PCDHGB2: variants seen among roughly 807,000 people sequenced by gnomAD.
PCDHGB2 encodes the protein protocadherin gamma-B2.
PCDHGB2 carries 55 observed loss-of-function variants against 59.3 expected under a neutral mutation model. That is an observed-to-expected ratio of 0.93 (90% CI 0.75 to 1.16). The LOEUF (loss-of-function observed/expected upper bound fraction) is 1.16. Ranked by LOEUF, PCDHGB2 falls within the 50% of genes most tolerant of loss-of-function variation. PCDHGB2 has a pLI of 0.00. For missense variants in PCDHGB2, 1,228 were observed against 1,198.5 expected, an observed-to-expected ratio of 1.02 and a Z score of -0.36; for synonymous variants, 516 against 512.0, an observed-to-expected ratio of 1.01 and a Z score of -0.11.
intron 1 of PCDHGB2, among the ~76,000 whole-genome samples, chr5:141,443,832 A>G (rs2098407108): frequency 6.6e-6 from 1 of 152,224 alleles, no homozygotes; most frequent in African/African-American, 2.4e-5. Context: ...ATTAGGTAAA[A>G]TGGGTAATAT....
At chr5:141,494,069 C>T (rs1249076667) in intron 1 of PCDHGB2, among the ~76,000 whole-genome samples, 1 of 152,146 alleles carries the variant, frequency 6.6e-6, no homozygotes, top group Non-Finnish European at 1.5e-5. Context: ...GAGCTGGATC[C>T]CTCCCCGCTG....
Position 141,467,771 on chromosome 5 carries a change from A to G in PCDHGB2, c.2422-27036A>G, listed in dbSNP as rs542500016. Among the ~76,000 whole-genome samples, 11 of 151,422 alleles carry G rather than the reference A, an allele frequency of 7.3e-5. No individual in the cohort carries two copies. The South Asian group carries it at 2.3e-3, about 32-fold the overall frequency. On this transcript the variant is annotated intron_variant, in intron 1 of 3. Transcript: ENST00000522605. Reference sequence around the variant, plus strand: ...CCGCCTCACATGCTCAAGTGCCCGCACCTCAGCCTCTCAAGTAGCTGGGAC... The same window carrying G: ...CCGCCTCACATGCTCAAGTGCCCGCGCCTCAGCCTCTCAAGTAGCTGGGAC...
Position 141,428,162 on chromosome 5 carries a change from G to A in PCDHGB2, c.2421+65606G>A, listed in dbSNP as rs75153946. The A allele has an allele frequency of 9.5e-4, 1,493 of 1,569,102 alleles. 9 individuals are homozygous for A. The African/African-American group carries it at 0.016, about 16-fold the overall frequency. On this transcript the variant is annotated intron_variant, in intron 1 of 3. Coordinates refer to ENST00000522605, the MANE Select transcript of PCDHGB2 (RefSeq NM_018923.3). ...GGCTGCACACGGGAACCTGCTGGTT[G>A]CTGTGCGTGACGGAGGACAGCCGCC...
At chr5:141,420,733 A>T (rs989644819) in intron 1 of PCDHGB2, among the ~76,000 whole-genome samples, 1 of 152,250 alleles carries the variant, frequency 6.6e-6, no homozygotes, top group African/African-American at 2.4e-5. Flanking sequence ...GTCGGTTAAA[A>T]TCAATTGGAA....
chr5:141,419,145 A>T, intron 1 of PCDHGB2: 1 of 1,613,940 alleles, frequency 6.2e-7, no homozygotes, highest in Non-Finnish European at 8.5e-7. Flanking sequence ...GACAGGGGCA[A>T]GCCTCCGTTA....
intron 1 of PCDHGB2, chr5:141,372,333 C>G: frequency 6.2e-7 from 1 of 1,613,732 alleles, no homozygotes; most frequent in Non-Finnish European, 8.5e-7. Context: ...GGTCACTGTG[C>G]GTGATGGAGG....
intron 1 of PCDHGB2, chr5:141,383,004 G>C: frequency 6.2e-7 from 1 of 1,613,698 alleles, no homozygotes; most frequent in Non-Finnish European, 8.5e-7. Flanking sequence ...TCTACTCCGT[G>C]TCGGAGGAGA....
At chr5:141,391,211 A>C (rs2092317474) in intron 1 of PCDHGB2, 1 of 152,220 alleles carries the variant, frequency 6.6e-6, no homozygotes, top group African/African-American at 2.4e-5. Flanking sequence ...AATACCAAGG[A>C]ACATTATATG....
chr5:141,413,815 C>T (rs1357769705), intron 1 of PCDHGB2: 11 of 1,613,224 alleles, frequency 6.8e-6, no homozygotes, highest in Non-Finnish European at 8.5e-6. Flanking sequence ...CATTCACCAC[C>T]TGGTCCTCAC....
intron 1 of PCDHGB2, chr5:141,414,081 T>G: frequency 6.2e-7 from 1 of 1,601,774 alleles, no homozygotes; most frequent in Non-Finnish European, 8.5e-7. Context: ...ACAAATATAC[T>G]GGAGAAATAA....
chr5:141,420,022 TA>T (rs2096459209), intron 1 of PCDHGB2: 1 of 1,613,986 alleles, frequency 6.2e-7, no homozygotes. Flanking sequence ...CTTTCAGCCC[TA>T]CTGCAGGAGA....
Position 141,365,604 on chromosome 5 carries a change from T to C in PCDHGB2, c.2421+3048T>C, listed in dbSNP as rs370603640. The stretch of plus-strand genomic sequence containing the variant: ...GATTATAATATCACTTTAACCGTCA[T>C]GGACCATGGAACCCCGCCCCTCTCT... On this transcript the variant is annotated intron_variant, in intron 1 of 3. Transcript: ENST00000522605. 2.4e-5 allele frequency: 39 copies of C among 1,613,554 alleles called. No homozygotes were observed. Among genetic ancestry groups the C allele is most frequent in the Non-Finnish European group, 3.0e-5 (35 of 1,179,904 alleles).
At chr5:141,507,016 G>C (rs913170594) in intron 3 of PCDHGB2, 1 of 152,166 alleles carries the variant, frequency 6.6e-6, no homozygotes, top group African/African-American at 2.4e-5. Context: ...AACCGAGAAG[G>C]CACTTGCCCC....
intron 1 of PCDHGB2, among the ~76,000 whole-genome samples, chr5:141,454,343 A>G (rs1161350416): frequency 2.6e-5 from 4 of 152,248 alleles, no homozygotes; most frequent in African/African-American, 7.2e-5. Flanking sequence ...AAATGTTGGA[A>G]GTTGATCCAA....
chr5:141,385,181 C>T (rs201394036), intron 1 of PCDHGB2: 5 of 1,614,202 alleles, frequency 3.1e-6, no homozygotes, highest in Non-Finnish European at 3.4e-6. Flanking sequence ...TCCCTCACCG[C>T]GGACTCTCGG....
At chr5:141,499,007 AG>A (rs2099788320) in intron 2 of PCDHGB2, among the ~76,000 whole-genome samples, 1 of 151,128 alleles carries the variant, frequency 6.6e-6, no homozygotes, top group Non-Finnish European at 1.5e-5. Flanking sequence ...GAAGGAAGGA[AG>A]GAAGGAAGGA....
At chr5:141,409,011 A>T in intron 1 of PCDHGB2, 1 of 1,613,974 alleles carries the variant, frequency 6.2e-7, no homozygotes, top group Non-Finnish European at 8.5e-7. Context: ...ACTGACCAGG[A>T]TGAGGGGGTC....
chr5:141,383,023 G>A (rs1778720923), intron 1 of PCDHGB2: 2 of 1,613,826 alleles, frequency 1.2e-6, no homozygotes, highest in South Asian at 1.1e-5. Context: ...GACGGACAAA[G>A]GGTCCTTTGT....
At chr5:141,459,149 T>C (rs2098961903) in intron 1 of PCDHGB2, among the ~76,000 whole-genome samples, 1 of 152,234 alleles carries the variant, frequency 6.6e-6, no homozygotes, top group Non-Finnish European at 1.5e-5. Context: ...AATCAAAATA[T>C]AGAACATTTC....
Sources: allele counts gnomAD v4.1 joint callset (sites outside exome capture counted in the v4.1 genomes callset), GRCh38; gene constraint gnomAD v4.1.1; transcripts MANE v1.5; gene names NCBI Gene and HGNC (gene_info 2026-07-23, HGNC 2026-07-21).